UBR1: variants seen among roughly 807,000 people sequenced by gnomAD.
UBR1 encodes the protein ubiquitin protein ligase E3 component n-recognin 1.
Under a neutral mutation model 242.1 loss-of-function variants are expected in UBR1, and 102 were observed. The ratio of observed to expected loss-of-function variants is 0.42; its 90% CI spans 0.36 to 0.50. The LOEUF is 0.50. Ranked by LOEUF, UBR1 falls within the 20% of genes least tolerant of loss-of-function variation. The pLI is 0.01. For missense variants in UBR1, 1,772 were observed against 2,101.8 expected (o/e 0.84, Z 3.07); for synonymous variants, 675 against 684.8 (o/e 0.99, Z 0.22).
At chr15:42,978,747 T>C (rs538353103) in intron 37 of UBR1, among the ~76,000 whole-genome samples, 3 of 150,682 alleles carry the variant, frequency 2.0e-5, no homozygotes, top group Non-Finnish European at 4.4e-5. Context: ...TTTTTTTTTT[T>C]AGACAGAATC....
chr15:43,033,533 C>T (rs183424344), intron 19 of UBR1, among the ~76,000 whole-genome samples: 14 of 152,134 alleles, frequency 9.2e-5, no homozygotes, highest in South Asian at 2.1e-4. Context: ...AATCCCAGCA[C>T]GCCTGTAATC....
rs772932062 is a variant in UBR1, at chr15:43,054,735, A to G, written c.1439+7T>C. ...GGTGCCCTCACCTTTTGACTTGAAC[A>G]ACTTACTTTAGGTCACATATTACTG... On this transcript the variant is annotated splice_region_variant and intron_variant, in intron 12 of 46. Coordinates refer to ENST00000290650, the MANE Select transcript of UBR1 (RefSeq NM_174916.3). 6.2e-7 allele frequency: 1 copy of G among 1,614,054 alleles called. No homozygotes were observed. Among genetic ancestry groups the G allele is most frequent in the South Asian group, 1.1e-5 (1 of 91,070 alleles).
chr15:43,033,723 TC>T (rs1252847517), intron 19 of UBR1, among the ~76,000 whole-genome samples: 14 of 152,332 alleles, frequency 9.2e-5, no homozygotes, highest in Admixed American at 7.8e-4. Context: ...AGGAGTAACT[TC>T]TAATTTGAAA....
In UBR1 at chr15:43,054,794, C is replaced by T. The variant is rs1364432490; in HGVS notation, c.1387G>A (p.Gly463Ser). The change falls in exon 12 of 47, where the codon GGT becomes AGT. Residue 463 changes from glycine (G) to serine (S), a missense_variant. Around this residue, in one of 3 missense-constraint regions of UBR1, gnomAD observed 734 missense variants for 893.3 expected, o/e 0.82. Transcript: ENST00000290650. Reference protein sequence around the residue: ...LDRNNKFNFQGYSQDKLGRVY... With the variant: ...LDRNNKFNFQSYSQDKLGRVY... ...CTTCCCAATTTGTCCTGGCTATAAC[C>T]CTGGAAGTTGAATTTATTGTTCCTG... 2 of 1,614,076 alleles carry T rather than the reference C, an allele frequency of 1.2e-6. No homozygotes were observed. The highest frequency in any genetic ancestry group is 1.7e-6 in the Non-Finnish European group (2 of 1,180,008).
intron 4 of UBR1, among the ~76,000 whole-genome samples, chr15:43,071,343 G>A (rs898111246): frequency 2.6e-5 from 4 of 152,138 alleles, no homozygotes; most frequent in African/African-American, 9.7e-5. Flanking sequence ...AAAAGAAATA[G>A]AACCCAGCCA....
At chr15:43,086,378 T>C in intron 1 of UBR1, 138 bp from the exon 2 acceptor site, 1 of 1,010,960 alleles carries the variant, frequency 9.9e-7, no homozygotes, top group African/African-American at 1.7e-5. Context: ...AGAAGGAAAG[T>C]GGGTGATTAA....
At chr15:43,072,028 T>C (rs1040593726) in intron 4 of UBR1, among the ~76,000 whole-genome samples, 3 of 152,222 alleles carry the variant, frequency 2.0e-5, no homozygotes, top group African/African-American at 7.2e-5. Flanking sequence ...ACTATAGGCA[T>C]GTGCTACCAC....
chr15:43,048,959 AG>A (rs1465926455), intron 12 of UBR1, among the ~76,000 whole-genome samples: 1 of 152,250 alleles, frequency 6.6e-6, no homozygotes, highest in Non-Finnish European at 1.5e-5. Flanking sequence ...CTTGCACATC[AG>A]GATGTACTAG....
chr15:42,977,833 A>G, intron 38 of UBR1, 47 bp downstream of exon 38: 2 of 1,477,932 alleles, frequency 1.4e-6, no homozygotes, highest in South Asian at 1.1e-5. Context: ...GGAAAATACA[A>G]GAAATTATCA....
In UBR1 at chr15:43,075,115, T is replaced by C. The variant is rs2033871864; in HGVS notation, c.418-26A>G. ...CTGATAAAGGAAAAATGAGTTTGTC[T>C]TGATTTCAAACATTTTACTAAGCAT... On this transcript the variant is annotated intron_variant, in intron 3 of 46. Coordinates refer to ENST00000290650, the MANE Select transcript of UBR1 (RefSeq NM_174916.3). 4 of 1,542,036 alleles carry C rather than the reference T, an allele frequency of 2.6e-6. No individual in the cohort carries two copies. In the East Asian group the frequency reaches 9.0e-5, roughly 35 times the overall value.
At chr15:42,956,268 C>G (rs1447605043) in intron 44 of UBR1, among the ~76,000 whole-genome samples, 1 of 152,212 alleles carries the variant, frequency 6.6e-6, no homozygotes, top group Non-Finnish European at 1.5e-5. Context: ...CTCCAGAAAT[C>G]AGTCACTCTA....
At chr15:43,024,752 A>C in intron 25 of UBR1, 77 bp downstream of exon 25, 1 of 1,598,688 alleles carries the variant, frequency 6.3e-7, no homozygotes, top group Non-Finnish European at 8.6e-7. Flanking sequence ...TTCCAACTGA[A>C]GTTAGACCTG....
intron 37 of UBR1, among the ~76,000 whole-genome samples, chr15:42,980,359 T>C (rs2032356687): frequency 6.6e-6 from 1 of 152,174 alleles, no homozygotes; most frequent in South Asian, 2.1e-4. Context: ...GTTTACATGA[T>C]ATAGTGGGAA....
At chr15:43,056,495 A>G (rs887117475) in intron 10 of UBR1, 53 bp from the exon 11 acceptor site, 1 of 1,249,774 alleles carries the variant, frequency 8.0e-7, no homozygotes, top group East Asian at 2.3e-5. Flanking sequence ...AGACCTTTAA[A>G]AAATCCCAAT....
chr15:43,038,313 G>A lies in UBR1; in HGVS notation c.1850-81C>T, dbSNP rs1418429611. 6 of 1,441,970 alleles carry A rather than the reference G, an allele frequency of 4.2e-6. No homozygotes were observed. In the African/African-American group the frequency reaches 4.2e-5, roughly 10 times the overall value. 89.3% of individuals were successfully genotyped at this position (1,441,970 alleles called of 1,614,324 possible). A position where few individuals can be genotyped will look rare whatever the true frequency, so the allele number is the denominator to read the frequency against. ...GTTAACTCATCAAGTTTAGAAACTT[G>A]TGCGATTTGATTTGGCTGGGCGCGG... On this transcript the variant is annotated intron_variant, in intron 15 of 46. Transcript: ENST00000290650.
At chr15:43,103,135 C>G (rs889657381) in intron 1 of UBR1, among the ~76,000 whole-genome samples, 1 of 152,152 alleles carries the variant, frequency 6.6e-6, no homozygotes, top group Non-Finnish European at 1.5e-5. Context: ...ACCACTATAC[C>G]ACAGCCTGGG....
chr15:43,002,656 G>T lies in UBR1; in HGVS notation c.3558C>A (p.Asp1186Glu), dbSNP rs1369978716. Residue 1186 changes from aspartate to glutamate, a missense_variant, in exon 32 of 47, where the codon GAC becomes GAA. Physicochemically the swap from Asp to Glu is conservative, Grantham distance 45. Transcript: ENST00000290650. ...ATTCTCCACTTTCCAAGTCAAAAAG[G>T]TCAACATGAATGCGCTGCTGAGAGC... ...QLSSQQRIHV[D>E]LFDLESGEYL... 3 of 1,614,006 alleles carry T rather than the reference G, an allele frequency of 1.9e-6. No individual in the cohort carries two copies. The highest frequency in any genetic ancestry group is 1.3e-5 in the African/African-American group (1 of 74,902).
In UBR1 at chr15:43,006,688, C is replaced by T. The variant is rs534274491; in HGVS notation, c.3415+391G>A. Among the ~76,000 whole-genome samples, 122 of 152,194 alleles carry T rather than the reference C, an allele frequency of 8.0e-4. 1 individual carries two copies. The Middle Eastern group carries it at 0.01, about 13-fold the overall frequency. On this transcript the variant is annotated intron_variant, in intron 30 of 46. Coordinates refer to ENST00000290650, the MANE Select transcript of UBR1 (RefSeq NM_174916.3). Reference sequence around the variant, plus strand: ...AGAAAATGTTTAACATGATTCTAATCAGGAGGCAACTTAACAATCAGATAA... The same window carrying T: ...AGAAAATGTTTAACATGATTCTAATTAGGAGGCAACTTAACAATCAGATAA...
intron 29 of UBR1, among the ~76,000 whole-genome samples, chr15:43,012,352 C>T (rs555896078): frequency 2.0e-5 from 3 of 152,052 alleles, no homozygotes; most frequent in African/African-American, 4.8e-5. Context: ...CTAGAAAACA[C>T]GAAACAAGCC....
Sources: gnomAD v4.1 joint callset for allele counts (sites outside exome capture counted in the v4.1 genomes callset) on GRCh38, gnomAD v4.1.1 for gene constraint, gnomAD v4.1.1 regional missense constraint, MANE v1.5 for transcripts, NCBI Gene and HGNC (gene_info 2026-07-23, HGNC 2026-07-21) for gene names.